Variants in DGKB observed in about 807,000 individuals in gnomAD.
DGKB encodes the protein diacylglycerol kinase beta.
A neutral mutation model predicts 114.3 loss-of-function variants in DGKB; 67 were observed. That is an observed-to-expected ratio of 0.59 (90% CI 0.48 to 0.72). DGKB has a LOEUF of 0.72. Among genes scored for constraint, DGKB ranks in the 30% least tolerant of loss-of-function variants. The pLI, the probability that DGKB is intolerant of heterozygous loss-of-function variation, is 0.00. For missense variants in DGKB, 907 were observed against 975.2 expected, an observed-to-expected ratio of 0.93 and a Z score of 0.93; for synonymous variants, 398 against 323.1, an observed-to-expected ratio of 1.23 and a Z score of -2.49.
chr7:14,418,392 T>TCTATATATATAC (rs1554421159), intron 21 of DGKB, among the ~76,000 whole-genome samples: 2 of 137,076 alleles, frequency 1.5e-5, no homozygotes, highest in African/African-American at 5.6e-5. Context: ...TATATATATA[T>TCTATATATATAC]ACACACACAC....
At chr7:14,542,147 C>T (rs776856343) in intron 20 of DGKB, among the ~76,000 whole-genome samples, 2 of 152,072 alleles carry the variant, frequency 1.3e-5, no homozygotes, top group Non-Finnish European at 2.9e-5. Context: ...TTAACCTCCA[C>T]ACTCTTTTTA....
intron 25 of DGKB, among the ~76,000 whole-genome samples, chr7:14,159,067 C>T (rs1783469877): frequency 6.6e-6 from 1 of 152,136 alleles, no homozygotes; most frequent in Admixed American, 6.5e-5. Flanking sequence ...CATCTACTCA[C>T]ATCACTTTCC....
intron 23 of DGKB, among the ~76,000 whole-genome samples, chr7:14,230,585 A>G (rs1418263188): frequency 2.6e-5 from 4 of 152,076 alleles, no homozygotes; most frequent in Non-Finnish European, 5.9e-5. Flanking sequence ...TGAAAAACGC[A>G]TATAATAAGA....
chr7:14,626,620 C>T (rs2128830397), intron 14 of DGKB, among the ~76,000 whole-genome samples: 1 of 152,242 alleles, frequency 6.6e-6, no homozygotes, highest in Admixed American at 6.5e-5. Flanking sequence ...CACCTTTAAT[C>T]AATATGGACT....
intron 23 of DGKB, among the ~76,000 whole-genome samples, chr7:14,333,078 A>G (rs544514250): frequency 6.6e-6 from 1 of 152,340 alleles, no homozygotes; most frequent in South Asian, 2.1e-4. Context: ...GCAACATTTT[A>G]TAAACCAGTA....
At chr7:14,474,647 C>A (rs568850419) in intron 21 of DGKB, among the ~76,000 whole-genome samples, 119 of 151,652 alleles carry the variant, frequency 7.8e-4, no homozygotes, top group African/African-American at 2.7e-3. Context: ...TATTAATATC[C>A]TTTTTTTCAA....
chr7:14,350,186 T>C (rs1394273153), intron 21 of DGKB, among the ~76,000 whole-genome samples: 1 of 152,162 alleles, frequency 6.6e-6, no homozygotes, highest in Non-Finnish European at 1.5e-5. Flanking sequence ...TTACGTATCC[T>C]GAGTAATGTG....
intron 2 of DGKB, among the ~76,000 whole-genome samples, chr7:14,764,179 A>G (rs562316154): frequency 6.6e-6 from 1 of 152,064 alleles, no homozygotes; most frequent in South Asian, 2.1e-4. Context: ...TTTAAAGAGA[A>G]GATTTTTCTA....
At chr7:14,418,361 ATGTG>A (rs1170054869) in intron 21 of DGKB, among the ~76,000 whole-genome samples, 15 of 100,624 alleles carry the variant, frequency 1.5e-4, no homozygotes, top group East Asian at 3.2e-4. Context: ...TCACATATAT[ATGTG>A]TGTGTGTATA....
intron 1 of DGKB, among the ~76,000 whole-genome samples, chr7:14,937,061 CACACACACACACAT>C (rs1448167975): frequency 1.5e-4 from 22 of 148,542 alleles, no homozygotes; most frequent in African/African-American, 4.3e-4. Context: ...CACACACACA[CACACACACACACAT>C]CTTTTGTTAA....
intron 21 of DGKB, among the ~76,000 whole-genome samples, chr7:14,395,929 T>C (rs1024630164): frequency 1.3e-5 from 2 of 152,014 alleles, no homozygotes; most frequent in Non-Finnish European, 2.9e-5. Context: ...TATGTCTCAC[T>C]TCAATAAGGT....
chr7:14,352,595 A>G (rs1361092744), intron 21 of DGKB, among the ~76,000 whole-genome samples: 4 of 152,332 alleles, frequency 2.6e-5, no homozygotes, highest in African/African-American at 9.6e-5. Context: ...TGTTTAAACA[A>G]TAACCAATCA....
At chr7:14,361,253 A>G (rs1018800764) in intron 21 of DGKB, among the ~76,000 whole-genome samples, 1 of 152,058 alleles carries the variant, frequency 6.6e-6, no homozygotes, top group Admixed American at 6.6e-5. Context: ...AACAGAAAAA[A>G]CAGAACAGTT....
intron 23 of DGKB, among the ~76,000 whole-genome samples, chr7:14,282,444 C>T (rs1166496060): frequency 1.9e-4 from 28 of 149,384 alleles, no homozygotes; most frequent in Admixed American, 4.0e-4. Flanking sequence ...CAAGGAGGAA[C>T]TGGTACCATT....
intron 9 of DGKB, among the ~76,000 whole-genome samples, chr7:14,688,582 G>T (rs1020921310): frequency 5.3e-5 from 8 of 152,116 alleles, no homozygotes; most frequent in Non-Finnish European, 1.2e-4. Context: ...TCATTAAAAT[G>T]TGCTCTTTTT....
chr7:14,845,573 T>A (rs974971977), intron 1 of DGKB, among the ~76,000 whole-genome samples: 2 of 152,198 alleles, frequency 1.3e-5, no homozygotes, highest in African/African-American at 4.8e-5. Flanking sequence ...GGAATTTTTG[T>A]TCATTTGTTC....
intron 18 of DGKB, among the ~76,000 whole-genome samples, chr7:14,581,624 T>C (rs1408813778): frequency 6.6e-6 from 1 of 152,234 alleles, no homozygotes; most frequent in East Asian, 1.9e-4. Flanking sequence ...AATCATTGCA[T>C]GCCTTGAATT....
At chr7:14,276,525 A>G (rs1383998184) in intron 23 of DGKB, among the ~76,000 whole-genome samples, 1 of 152,132 alleles carries the variant, frequency 6.6e-6, no homozygotes, top group Non-Finnish European at 1.5e-5. Flanking sequence ...GCAATATTAT[A>G]TATACATCAC....
At chr7:14,374,806 T>G (rs1239302980) in intron 21 of DGKB, among the ~76,000 whole-genome samples, 2 of 152,190 alleles carry the variant, frequency 1.3e-5, no homozygotes, top group Non-Finnish European at 2.9e-5. Flanking sequence ...TTTAGCAGTA[T>G]CCCTGGCCTC....
Sources: allele counts gnomAD v4.1 joint callset (sites outside exome capture counted in the v4.1 genomes callset), GRCh38; gene constraint gnomAD v4.1.1; transcripts MANE v1.5; gene names NCBI Gene and HGNC (gene_info 2026-07-23, HGNC 2026-07-21).